PYGB: variants seen among roughly 807,000 people sequenced by gnomAD.
PYGB encodes the protein glycogen phosphorylase, brain form.
A neutral mutation model predicts 94.3 loss-of-function variants in PYGB; 82 were observed. That is an observed-to-expected ratio of 0.87 (90% CI 0.73 to 1.04). PYGB has a LOEUF of 1.04. Among genes scored for constraint, PYGB ranks in the 50% least tolerant of loss-of-function variants. PYGB has a pLI of 0.00. For synonymous variants in PYGB, 488 were observed against 479.1 expected (o/e 1.02, Z -0.24); for missense variants, 1,132 against 1,158.2 (o/e 0.98, Z 0.33).
rs767836619 is a variant in PYGB, at chr20:25,277,289, CT to C, written c.819del (p.Glu274ArgfsTer21). On this transcript the variant is annotated frameshift_variant, in exon 7 of 20. Transcript: ENST00000216962. LOFTEE classifies it high-confidence loss of function. ...GAGGCGGTCCTGGACCGGAACTTGGCTGAGAACATCTCCAGGGTCCTGTATC... is the reference window on the plus strand; with the variant it reads ...GAGGCGGTCCTGGACCGGAACTTGGCGAGAACATCTCCAGGGTCCTGTATC... ...YIEAVLDRNL[A>X]ENISRVLYPN... is the part of the protein sequence containing the mutation. 1 of 1,583,938 alleles carries C rather than the reference CT, an allele frequency of 6.3e-7. No individual in the cohort carries two copies. Among genetic ancestry groups the C allele is most frequent in the Non-Finnish European group, 8.7e-7 (1 of 1,152,602 alleles).
Position 25,269,191 on chromosome 20 carries a change from C to T in PYGB, c.408C>T (p.Gly136=). ...AAGATGCTGGCCTTGGGAATGGAGGCCTGGGGAGGCTGGCAGGTAAGTTGC... is the reference window on the plus strand; with the variant it reads ...AAGATGCTGGCCTTGGGAATGGAGGTCTGGGGAGGCTGGCAGGTAAGTTGC... The part of the protein sequence containing the change: ...IEEDAGLGNG[G]LGRLAACFLD... The change falls in exon 3 of 20, where the codon GGC becomes GGT. Residue 136 remains glycine (G), a synonymous_variant. Coordinates refer to ENST00000216962, the MANE Select transcript of PYGB (RefSeq NM_002862.4). The T allele has an allele frequency of 1.3e-6, 2 of 1,594,378 alleles. No homozygotes were observed.
rs1269412723 is a variant in PYGB at position 25,280,420 on chromosome 20, TG to T, written c.1239+11del. 1 of 1,613,624 alleles carries T rather than the reference TG, an allele frequency of 6.2e-7. No individual in the cohort carries two copies. Among genetic ancestry groups the T allele is most frequent in the Non-Finnish European group, 8.5e-7 (1 of 1,179,852 alleles). ...AACCAGCGGCACCTGGACGTGAGTG[TG>T]GGCCCAGCTGGCCGTGTAGGGTGGC... On this transcript the variant is annotated intron_variant, in intron 10 of 19. Coordinates refer to ENST00000216962, the MANE Select transcript of PYGB (RefSeq NM_002862.4).
At chr20:25,283,403 C>T in intron 13 of PYGB, 126 bp downstream of exon 13, 1 of 793,250 alleles carries the variant, frequency 1.3e-6, no homozygotes, top group Admixed American at 2.6e-5. Context: ...TTAGTGGGGA[C>T]TCAGAACAGG....
intron 18 of PYGB, chr20:25,294,689 G>A (rs917167678): frequency 2.4e-5 from 14 of 590,260 alleles, no homozygotes; most frequent in Non-Finnish European, 4.3e-5. Flanking sequence ...AACCGCGGCA[G>A]GCGTCAGTGC....
chr20:25,266,186 T>C (rs2088216989), intron 2 of PYGB, among the ~76,000 whole-genome samples: 1 of 152,196 alleles, frequency 6.6e-6, no homozygotes, highest in Non-Finnish European at 1.5e-5. Flanking sequence ...TTTTTAATTT[T>C]ATTAAGTCTA....
intron 1 of PYGB, among the ~76,000 whole-genome samples, chr20:25,250,783 A>T (rs2092885527): frequency 6.6e-6 from 1 of 152,196 alleles, no homozygotes; most frequent in Non-Finnish European, 1.5e-5. Context: ...GAACGCTTTT[A>T]TTGTTATTTT....
rs1281734630 is a variant in PYGB, at chr20:25,297,091, CTCTGCACCTGGT to C, written c.*570_*581del. 6.3e-6 allele frequency: 1 copy of C among 158,166 alleles called. No homozygotes were observed. Among genetic ancestry groups the C allele is most frequent in the Non-Finnish European group, 1.4e-5 (1 of 71,514 alleles). The allele number at this position is 158,166 out of a possible 1,614,324, so 9.8% of individuals were successfully genotyped here. A position where few individuals can be genotyped will look rare whatever the true frequency, so the allele number is the denominator to read the frequency against. ...CCCTGCCCCCTGCCCTCTGTCCTGG[CTCTGCACCTGGT>C]ATATGGGTCATGGACCCAGATGGGG... On this transcript the variant is annotated 3_prime_UTR_variant, in exon 20 of 20. Transcript: ENST00000216962.
In PYGB at chr20:25,290,527, C is replaced by A. The variant is rs199553206; in HGVS notation, c.1874C>A (p.Thr625Asn). Residue 625 changes from threonine (T) to asparagine (N), a missense_variant, in exon 16 of 20, where the codon ACC (threonine) becomes AAC (asparagine). Transcript: ENST00000216962. ...GCCAAGCTGATCATCAAGTTGGTCA[C>A]CTCCATCGGCGACGTCGTCAATCAT... ...HMAKLIIKLV[T>N]SIGDVVNHDP... 93 of 1,611,560 alleles carry A rather than the reference C, an allele frequency of 5.8e-5. No individual in the cohort carries two copies. The highest frequency in any genetic ancestry group is 7.7e-5 in the Non-Finnish European group (91 of 1,177,864).
At chr20:25,288,120 A>C in intron 14 of PYGB, 3 of 505,042 alleles carry the variant, frequency 5.9e-6, no homozygotes, top group Non-Finnish European at 1.1e-5. Context: ...GCCCCGGGGA[A>C]TAGCATCTTT....
chr20:25,271,351 G>T, intron 3 of PYGB, 32 bp from the exon 4 acceptor site: 1 of 1,606,542 alleles, frequency 6.2e-7, no homozygotes, highest in South Asian at 1.1e-5. Flanking sequence ...CCGTGCCTTT[G>T]ATTCTGACTG....
At chr20:25,282,196 C>A in intron 12 of PYGB, 49 bp downstream of exon 12, 1 of 1,462,452 alleles carries the variant, frequency 6.8e-7, no homozygotes, top group Non-Finnish European at 9.4e-7. Flanking sequence ...GGGCTGAGAA[C>A]CGCGGGCCAT....
At chr20:25,284,359 G>T in intron 14 of PYGB, 108 bp downstream of exon 14, 2 of 1,401,056 alleles carry the variant, frequency 1.4e-6, no homozygotes, top group South Asian at 1.4e-5. Flanking sequence ...GGCTGTGTGT[G>T]TATAGGCGTG....
At chr20:25,295,254 C>CGGCGCCATGGGCT (rs2088522840) in intron 18 of PYGB, among the ~76,000 whole-genome samples, 1 of 152,156 alleles carries the variant, frequency 6.6e-6, no homozygotes. Context: ...TGCCCTGAGG[C>CGGCGCCATGGGCT]GGCGCCATGG....
At chr20:25,256,873 T>G (rs1028531493) in intron 1 of PYGB, among the ~76,000 whole-genome samples, 56 of 152,234 alleles carry the variant, frequency 3.7e-4, no homozygotes, top group African/African-American at 1.3e-3. Context: ...TACATGGTTT[T>G]TTTCAGAACT....
At chr20:25,266,140 T>C (rs975323312) in intron 2 of PYGB, among the ~76,000 whole-genome samples, 1 of 152,250 alleles carries the variant, frequency 6.6e-6, no homozygotes, top group African/African-American at 2.4e-5. Context: ...CGTGTGCCAC[T>C]GCGCCTGGCT....
At chr20:25,252,911 T>TAC (rs139519393) in intron 1 of PYGB, among the ~76,000 whole-genome samples, 9,901 of 152,294 alleles carry the variant, frequency 0.065, 992 homozygotes, top group African/African-American at 0.22. Flanking sequence ...ACCCTCTAAT[T>TAC]AGAGCTGGTT....
chr20:25,262,495 A>G (rs866967738), intron 2 of PYGB, among the ~76,000 whole-genome samples: 33 of 152,344 alleles, frequency 2.2e-4, no homozygotes, highest in African/African-American at 7.7e-4. Context: ...CATGGAAAGG[A>G]ACAGCCGGTA....
rs201495830 is a variant in PYGB at position 25,278,472 on chromosome 20, G to A, written c.999+10G>A. 238 of 1,613,294 alleles carry A rather than the reference G, an allele frequency of 1.5e-4. No individual in the cohort carries two copies. Among genetic ancestry groups the A allele is most frequent in the Admixed American group, 1.1e-3 (63 of 59,998 alleles). On this transcript the variant is annotated intron_variant, in intron 8 of 19. Transcript: ENST00000216962. ...GACGTTCCCAGACAAGGTGCATGGT[G>A]GCCCTGGGAGGGATCTCAGTGCCAG...
rs2088294973 is a variant in PYGB at position 25,274,670 on chromosome 20, T to A, written c.607T>A (p.Phe203Ile). The A allele has an allele frequency of 6.2e-7, 1 of 1,613,726 alleles. No individual in the cohort carries two copies. Among genetic ancestry groups the A allele is most frequent in the South Asian group, 1.1e-5 (1 of 91,094 alleles). Residue 203 changes from phenylalanine (F) to isoleucine (I), a missense_variant, in exon 5 of 20, where the codon TTC (phenylalanine) becomes ATC (isoleucine). Coordinates refer to ENST00000216962, the MANE Select transcript of PYGB (RefSeq NM_002862.4). ...GCCTGAGTATATGCTTCCCGTGCAC[T>A]TCTACGGACGCGTGGAGCACACCCC... Reference protein sequence around the residue: ...ARPEYMLPVHFYGRVEHTPDG... With the variant: ...ARPEYMLPVHIYGRVEHTPDG...
Sources: gnomAD v4.1 joint callset for allele counts (sites outside exome capture counted in the v4.1 genomes callset) on GRCh38, gnomAD v4.1.1 for gene constraint, MANE v1.5 for transcripts, NCBI Gene and HGNC (gene_info 2026-07-23, HGNC 2026-07-21) for gene names.